The following NR6A1 variants were observed in gnomAD, a reference collection of about 807,000 sequenced individuals.
The protein encoded by NR6A1 is retinoic acid receptor-related testis-associated receptor.
In NR6A1, 7 loss-of-function variants were observed where a neutral mutation model predicts 59.1. The ratio of observed to expected loss-of-function variants is 0.12; its 90% CI spans 0.07 to 0.22. The LOEUF (loss-of-function observed/expected upper bound fraction) is 0.22, where lower values mean the gene tolerates loss of function less well. Ranked by LOEUF, NR6A1 falls within the 10% of genes least tolerant of loss-of-function variation. The pLI is 1.00. For synonymous variants in NR6A1, 243 were observed against 236.1 expected (o/e 1.03, Z -0.27); for missense variants, 468 against 611.6 (o/e 0.77, Z 2.48).
chr9:124,558,372 C>T (rs1833985770), intron 2 of NR6A1, among the ~76,000 whole-genome samples: 1 of 152,030 alleles, frequency 6.6e-6, no homozygotes, highest in Non-Finnish European at 1.5e-5. Context: ...TACTGCCTGC[C>T]ATGTTCTGTT....
intron 2 of NR6A1, among the ~76,000 whole-genome samples, chr9:124,574,855 T>A (rs1834544823): frequency 6.6e-6 from 1 of 152,244 alleles, no homozygotes; most frequent in African/African-American, 2.4e-5. Flanking sequence ...ATAGAATTTA[T>A]TACCTTTCGG....
In NR6A1 at chr9:124,753,641, G is replaced by C. The variant is rs574084744; in HGVS notation, c.100+17379C>G. On this transcript the variant is annotated intron_variant, in intron 1 of 9. Transcript: ENST00000487099. ...GTTATGGAAAGGATTACATGAGTTA[G>C]TTTAGCTCTGTGCCTAGTGCTGAGT... 3.3e-5 allele frequency among the ~76,000 whole-genome samples: 5 copies of C among 152,304 alleles called. No individual in the cohort carries two copies. The East Asian group carries it at 7.7e-4, about 23-fold the overall frequency.
At chr9:124,767,175 T>C (rs561594613) in intron 1 of NR6A1, among the ~76,000 whole-genome samples, 5 of 152,310 alleles carry the variant, frequency 3.3e-5, no homozygotes, top group South Asian at 4.1e-4. Flanking sequence ...AAATTCTAAA[T>C]AAAATATGGA....
At chr9:124,681,154 G>A (rs1838141953) in intron 2 of NR6A1, among the ~76,000 whole-genome samples, 2 of 152,166 alleles carry the variant, frequency 1.3e-5, no homozygotes, top group Admixed American at 6.5e-5. Flanking sequence ...CAGCACTGGA[G>A]TTATTGTTAC....
At chr9:124,628,052 G>A (rs1484782429) in intron 2 of NR6A1, among the ~76,000 whole-genome samples, 2 of 151,948 alleles carry the variant, frequency 1.3e-5, no homozygotes, top group African/African-American at 2.4e-5. Context: ...TTTTTGAGAC[G>A]GAGTCTCGCT....
At chr9:124,688,290 A>G (rs1472916973) in intron 2 of NR6A1, among the ~76,000 whole-genome samples, 1 of 152,080 alleles carries the variant, frequency 6.6e-6, no homozygotes, top group Non-Finnish European at 1.5e-5. Flanking sequence ...GCACCACTGC[A>G]CCTCAGCCTG....
chr9:124,630,844 G>C (rs1364789470), intron 2 of NR6A1, among the ~76,000 whole-genome samples: 1 of 151,048 alleles, frequency 6.6e-6, no homozygotes, highest in East Asian at 2.0e-4. Flanking sequence ...ACATCCTGCT[G>C]ATTTTGTATT....
At chr9:124,689,141 C>T (rs892478767) in intron 2 of NR6A1, among the ~76,000 whole-genome samples, 1 of 152,040 alleles carries the variant, frequency 6.6e-6, no homozygotes, top group African/African-American at 2.4e-5. Flanking sequence ...AAGCCAAATA[C>T]TGGGGAAAAC....
At chr9:124,649,327 A>G (rs1205058468) in intron 2 of NR6A1, among the ~76,000 whole-genome samples, 1 of 152,106 alleles carries the variant, frequency 6.6e-6, no homozygotes, top group East Asian at 1.9e-4. Context: ...ATCATTTTCA[A>G]TAAAGGCATC....
intron 2 of NR6A1, among the ~76,000 whole-genome samples, chr9:124,645,237 A>G (rs1003294985): frequency 2.0e-5 from 3 of 152,218 alleles, no homozygotes; most frequent in African/African-American, 7.2e-5. Flanking sequence ...TGTAGAAGAG[A>G]AAAAGAGAAC....
intron 2 of NR6A1, among the ~76,000 whole-genome samples, chr9:124,612,938 C>G (rs968708256): frequency 1.3e-5 from 2 of 152,100 alleles, no homozygotes; most frequent in Non-Finnish European, 2.9e-5. Context: ...AATGCCCATG[C>G]CATTTAATAT....
At chr9:124,612,635 G>A (rs1312091329) in intron 2 of NR6A1, among the ~76,000 whole-genome samples, 2 of 152,138 alleles carry the variant, frequency 1.3e-5, no homozygotes, top group Non-Finnish European at 2.9e-5. Flanking sequence ...AGATGGGCCA[G>A]TTGCAAATCA....
chr9:124,638,228 C>T (rs1042823236), intron 2 of NR6A1, among the ~76,000 whole-genome samples: 1 of 151,466 alleles, frequency 6.6e-6, no homozygotes, highest in Non-Finnish European at 1.5e-5. Context: ...TGCACTCCAA[C>T]CTGGGTAGAG....
At chr9:124,661,764 CT>C (rs1208440270) in intron 2 of NR6A1, among the ~76,000 whole-genome samples, 1 of 152,190 alleles carries the variant, frequency 6.6e-6, no homozygotes, top group African/African-American at 2.4e-5. Flanking sequence ...GCAACTAGCT[CT>C]ATGTGGCTAT....
At chr9:124,668,162 A>G (rs1837685186) in intron 2 of NR6A1, among the ~76,000 whole-genome samples, 1 of 152,226 alleles carries the variant, frequency 6.6e-6, no homozygotes, top group Admixed American at 6.5e-5. Flanking sequence ...TTACTATAAT[A>G]AACTAGAGAA....
chr9:124,724,427 G>GA (rs1839653759), intron 2 of NR6A1, among the ~76,000 whole-genome samples: 1 of 135,646 alleles, frequency 7.4e-6, no homozygotes. Context: ...GGTAAAAAAA[G>GA]AGAAAAAAAA....
intron 2 of NR6A1, among the ~76,000 whole-genome samples, chr9:124,690,069 T>G (rs1838478107): frequency 6.6e-6 from 1 of 152,224 alleles, no homozygotes; most frequent in Admixed American, 6.5e-5. Context: ...ATGCTGTTGT[T>G]ATCTTCATAA....
At chr9:124,674,582 GC>G (rs1363629611) in intron 2 of NR6A1, among the ~76,000 whole-genome samples, 1 of 152,090 alleles carries the variant, frequency 6.6e-6, no homozygotes, top group African/African-American at 2.4e-5. Flanking sequence ...GAACATAAGT[GC>G]TATATAAATA....
At chr9:124,668,803 T>C (rs1235925041) in intron 2 of NR6A1, among the ~76,000 whole-genome samples, 2 of 152,216 alleles carry the variant, frequency 1.3e-5, no homozygotes, top group East Asian at 3.8e-4. Context: ...GTCTGACCAA[T>C]GTACATCCCT....
Sources: gnomAD v4.1 joint callset for allele counts (sites outside exome capture counted in the v4.1 genomes callset) on GRCh38, gnomAD v4.1.1 for gene constraint, MANE v1.5 for transcripts, NCBI Gene and HGNC (gene_info 2026-07-23, HGNC 2026-07-21) for gene names.